Variants in CLTB observed in about 807,000 individuals in gnomAD.
CLTB encodes the protein clathrin, light chain (Lcb).
In CLTB, 10 loss-of-function variants were observed where a neutral mutation model predicts 30.5. That is an observed-to-expected ratio of 0.33 (90% CI 0.20 to 0.56). The LOEUF (loss-of-function observed/expected upper bound fraction) is 0.56. Ranked by LOEUF, CLTB falls within the 20% of genes least tolerant of loss-of-function variation. CLTB has a pLI of 0.91. For missense variants in CLTB, 261 were observed against 308.3 expected (o/e 0.85, Z 1.15); for synonymous variants, 102 against 120.3 (o/e 0.85, Z 1.00).
intron 2 of CLTB, among the ~76,000 whole-genome samples, chr5:176,400,296 T>C (rs1342622629): frequency 2.0e-5 from 3 of 152,168 alleles, no homozygotes; most frequent in Non-Finnish European, 4.4e-5. Context: ...TTGTGAGATA[T>C]TTAGAAGAGT....
chr5:176,409,637 A>G (rs1757324397), intron 2 of CLTB, among the ~76,000 whole-genome samples: 1 of 150,752 alleles, frequency 6.6e-6, no homozygotes, highest in African/African-American at 2.4e-5. Flanking sequence ...CTGGTCTTGA[A>G]CTCTGACCTC....
At position 176,392,759 on chromosome 5, in the gene CLTB, G is replaced by A; in HGVS notation, c.*15C>T. The A allele has an allele frequency of 1.2e-6, 2 of 1,613,136 alleles. No individual in the cohort carries two copies. Among genetic ancestry groups the A allele is most frequent in the Non-Finnish European group, 1.7e-6 (2 of 1,179,678 alleles). ...GGCCCAGCCCATGCTCTGTGGCCAT[G>A]CACCTAGCAGGCACCTAGCGGGACA... On this transcript the variant is annotated 3_prime_UTR_variant, in exon 6 of 6. Coordinates refer to ENST00000310418, the MANE Select transcript of CLTB (RefSeq NM_007097.5). The surrounding 1 kb of genome is among the most constrained non-coding windows in gnomAD (Gnocchi z 5.2).
chr5:176,407,788 G>T (rs995266840), intron 2 of CLTB, among the ~76,000 whole-genome samples: 1 of 152,196 alleles, frequency 6.6e-6, no homozygotes, highest in East Asian at 1.9e-4. Context: ...GGCCCAACTA[G>T]ACATGAAGCT....
chr5:176,406,540 A>G, intron 2 of CLTB: 1 of 1,270,386 alleles, frequency 7.9e-7, no homozygotes, highest in Non-Finnish European at 1.0e-6. Context: ...TGGGAGTATT[A>G]GGGGAAAGGA....
intron 1 of CLTB, among the ~76,000 whole-genome samples, chr5:176,414,913 C>T (rs540929013): frequency 5.3e-5 from 8 of 152,276 alleles, no homozygotes; most frequent in African/African-American, 1.7e-4. Flanking sequence ...GCTCAGTAAA[C>T]GTTGAATGGA....
At chr5:176,414,066 T>C (rs1438623116) in intron 1 of CLTB, among the ~76,000 whole-genome samples, 1 of 152,188 alleles carries the variant, frequency 6.6e-6, no homozygotes, top group Admixed American at 6.5e-5. Flanking sequence ...CTCAGCTCCC[T>C]CAGGCATCTG....
chr5:176,404,776 G>A (rs930332283), intron 2 of CLTB, among the ~76,000 whole-genome samples: 1 of 152,144 alleles, frequency 6.6e-6, no homozygotes, highest in African/African-American at 2.4e-5. Flanking sequence ...CCCGGGCTCC[G>A]GTGAACCCCG....
intron 2 of CLTB, among the ~76,000 whole-genome samples, chr5:176,403,539 C>T (rs1395346466): frequency 6.6e-6 from 1 of 151,654 alleles, no homozygotes; most frequent in African/African-American, 2.4e-5. Flanking sequence ...ACTGCAACCT[C>T]CGCCTCCCGG....
intron 2 of CLTB, among the ~76,000 whole-genome samples, chr5:176,400,955 G>A (rs554785846): frequency 6.6e-6 from 1 of 152,328 alleles, no homozygotes; most frequent in African/African-American, 2.4e-5. Flanking sequence ...GCTGCCTGGG[G>A]AGTGAGGGAA....
chr5:176,411,019 T>C (rs1264447018), intron 1 of CLTB, among the ~76,000 whole-genome samples: 2 of 152,184 alleles, frequency 1.3e-5, no homozygotes, highest in Non-Finnish European at 2.9e-5. Context: ...GCCCAGGACC[T>C]CACCACCTTG....
chr5:176,412,445 C>T (rs967235098), intron 1 of CLTB, among the ~76,000 whole-genome samples: 1 of 152,168 alleles, frequency 6.6e-6, no homozygotes, highest in African/African-American at 2.4e-5. Context: ...AATGGGTGAG[C>T]AGTAACTATT....
chr5:176,406,517 A>G, intron 2 of CLTB: 2 of 1,248,292 alleles, frequency 1.6e-6, no homozygotes, highest in Middle Eastern at 2.2e-4. Flanking sequence ...CTAAGAAGCT[A>G]AAAGGAGGAT....
intron 1 of CLTB, 96 bp downstream of exon 1, chr5:176,416,081 G>T: frequency 8.6e-7 from 1 of 1,165,730 alleles, no homozygotes; most frequent in Non-Finnish European, 1.1e-6. Context: ...GCCCCGGGTG[G>T]CCTAGAGCAG....
intron 1 of CLTB, 40 bp from the exon 2 acceptor site, chr5:176,410,343 GC>G: frequency 2.5e-6 from 4 of 1,588,238 alleles, no homozygotes; most frequent in Non-Finnish European, 3.5e-6. Context: ...TCACTGTTTA[GC>G]TTATAGCAAG....
intron 2 of CLTB, among the ~76,000 whole-genome samples, chr5:176,403,145 G>A (rs1756911550): frequency 6.6e-6 from 1 of 151,692 alleles, no homozygotes; most frequent in Non-Finnish European, 1.5e-5. Context: ...GGCCTCCTGG[G>A]TTCAAGCGAT....
intron 2 of CLTB, among the ~76,000 whole-genome samples, chr5:176,404,173 A>G (rs1423331336): frequency 6.6e-6 from 1 of 152,226 alleles, no homozygotes; most frequent in African/African-American, 2.4e-5. Context: ...GACTCGCCAC[A>G]TAGTAGCTAA....
chr5:176,416,000 G>A (rs1046826168), intron 1 of CLTB, among the ~76,000 whole-genome samples, 177 bp downstream of exon 1: 1 of 152,222 alleles, frequency 6.6e-6, no homozygotes, highest in Non-Finnish European at 1.5e-5. Context: ...CCCAGGCGAG[G>A]CCTCATCCCC....
intron 2 of CLTB, among the ~76,000 whole-genome samples, chr5:176,409,428 T>C (rs2113675673): frequency 6.8e-6 from 1 of 146,730 alleles, no homozygotes; most frequent in Admixed American, 6.8e-5. Context: ...TTTTTTTTTT[T>C]TTCAGACAGA....
chr5:176,396,644 G>T, intron 4 of CLTB, 112 bp from the exon 5 acceptor site: 1 of 787,242 alleles, frequency 1.3e-6, no homozygotes. Flanking sequence ...ACCTCCAGTG[G>T]GAGAAATGTT....
Sources: gnomAD v4.1 joint callset for allele counts (sites outside exome capture counted in the v4.1 genomes callset) on GRCh38, gnomAD v4.1.1 for gene constraint, Gnocchi (gnomAD v3.1) non-coding constraint, MANE v1.5 for transcripts, NCBI Gene and HGNC (gene_info 2026-07-23, HGNC 2026-07-21) for gene names.